Variants in RAD23B observed in about 807,000 individuals in gnomAD.
RAD23B encodes RAD23 nucleotide excision repair protein B, also known as lysine-specific demethylase RAD23B.
In RAD23B, 5 loss-of-function variants were observed where a neutral mutation model predicts 49.1. That is an observed-to-expected ratio of 0.10 (90% CI 0.05 to 0.21). The LOEUF is 0.21. Ranked by LOEUF, RAD23B falls within the 10% of genes least tolerant of loss-of-function variation. The pLI, the probability that RAD23B is intolerant of heterozygous loss-of-function variation, is 1.00. For missense variants in RAD23B, 356 were observed against 486.7 expected, an observed-to-expected ratio of 0.73 and a Z score of 2.53; for synonymous variants, 184 against 165.4, an observed-to-expected ratio of 1.11 and a Z score of -0.86.
At chr9:107,294,658 C>A (rs1386853419) in intron 1 of RAD23B, among the ~76,000 whole-genome samples, 1 of 152,172 alleles carries the variant, frequency 6.6e-6, no homozygotes, top group Admixed American at 6.5e-5. Context: ...GTAATTTAGA[C>A]ACAGTTCTTC....
intron 9 of RAD23B, among the ~76,000 whole-genome samples, chr9:107,329,089 CAT>C (rs1027080314): frequency 6.6e-6 from 1 of 152,070 alleles, no homozygotes; most frequent in African/African-American, 2.4e-5. Context: ...ATAAATAAAA[CAT>C]AATTTGCTTT....
At position 107,309,309 on chromosome 9, in the gene RAD23B, C is replaced by T. The variant is rs574059461; in HGVS notation, c.498-2373C>T. Among the ~76,000 whole-genome samples the T allele has an allele frequency of 3.1e-4, 47 of 152,234 alleles. No homozygotes were observed. In the South Asian group the frequency reaches 9.8e-3, roughly 32 times the overall value. ...ATTTGAGAAACCCTGATAGCTGATA[C>T]TACAAGACAGTTAAAGTATGTAATG... On this transcript the variant is annotated intron_variant, in intron 4 of 9. Coordinates refer to ENST00000358015, the MANE Select transcript of RAD23B (RefSeq NM_002874.5).
chr9:107,328,685 C>T (rs1827255049), intron 9 of RAD23B, among the ~76,000 whole-genome samples: 1 of 152,186 alleles, frequency 6.6e-6, no homozygotes, highest in Admixed American at 6.5e-5. Context: ...TCCTTGCTCA[C>T]CCACTGCTCA....
rs528550040 is a variant in RAD23B at position 107,311,644 on chromosome 9, A to G, written c.498-38A>G. 6.2e-6 allele frequency: 9 copies of G among 1,455,950 alleles called. No homozygotes were observed. The East Asian group carries it at 1.9e-4, about 31-fold the overall frequency. 90.2% of individuals were successfully genotyped at this position (1,455,950 alleles called of 1,614,324 possible). On this transcript the variant is annotated intron_variant, in intron 4 of 9. Transcript: ENST00000358015. ...AACTAATGTAAATTAAATTTTATAT[A>G]CTTTTTAAAATGTGATTTTTCTAAA...
Position 107,318,615 on chromosome 9 carries a change from T to A in RAD23B, c.554-137T>A. The A allele has an allele frequency of 3.2e-6, 3 of 937,116 alleles. No homozygotes were observed. The highest frequency in any genetic ancestry group is 4.6e-6 in the Non-Finnish European group (3 of 645,554). The allele number at this position is 937,116 out of a possible 1,614,324, so 58.1% of individuals were successfully genotyped here. On this transcript the variant is annotated intron_variant, in intron 5 of 9. Transcript: ENST00000358015. The surrounding 1 kb of genome is among the most constrained non-coding windows in gnomAD (Gnocchi z 4.3). ...GGACCATTACCTACTACATATATGT[T>A]GTAATTTATACTGTTACTCATCTTT... is the stretch of plus-strand genomic sequence containing the variant.
intron 9 of RAD23B, among the ~76,000 whole-genome samples, chr9:107,328,875 A>G (rs1827258279): frequency 1.3e-5 from 2 of 152,304 alleles, no homozygotes; most frequent in Admixed American, 6.5e-5. Flanking sequence ...TTTTAATATA[A>G]TAGACTAGGA....
chr9:107,291,282 C>A (rs1156364062), intron 1 of RAD23B, among the ~76,000 whole-genome samples: 1 of 152,156 alleles, frequency 6.6e-6, no homozygotes, highest in Non-Finnish European at 1.5e-5. Flanking sequence ...ATTCTGCTTA[C>A]TCAGTTTTCA....
chr9:107,315,184 T>C (rs1302296054), intron 5 of RAD23B, among the ~76,000 whole-genome samples: 1 of 152,200 alleles, frequency 6.6e-6, no homozygotes, highest in Non-Finnish European at 1.5e-5. Context: ...GTTTCGTTCT[T>C]CTAAATATGG....
intron 1 of RAD23B, among the ~76,000 whole-genome samples, chr9:107,288,301 C>T (rs1332014368): frequency 6.6e-6 from 1 of 151,960 alleles, no homozygotes; most frequent in African/African-American, 2.4e-5. Flanking sequence ...GATGTCAGGC[C>T]CTGCTGTGAT....
chr9:107,329,238 C>G (rs1440646381), intron 9 of RAD23B, among the ~76,000 whole-genome samples: 1 of 152,150 alleles, frequency 6.6e-6, no homozygotes, highest in African/African-American at 2.4e-5. Flanking sequence ...CAGTTAGCAG[C>G]TAATTTTTAA....
intron 1 of RAD23B, among the ~76,000 whole-genome samples, chr9:107,288,669 A>T (rs922782770): frequency 5.9e-5 from 9 of 152,144 alleles, no homozygotes; most frequent in African/African-American, 1.9e-4. Flanking sequence ...GGTGGTCTTG[A>T]ACTCCTGAGC....
At position 107,323,803 on chromosome 9, in the gene RAD23B, T is replaced by C. The variant is rs959380636; in HGVS notation, c.818-87T>C. The C allele has an allele frequency of 3.4e-6, 4 of 1,194,024 alleles. No individual in the cohort carries two copies. The African/African-American group carries it at 4.6e-5, about 14-fold the overall frequency. 74.0% of individuals were successfully genotyped at this position (1,194,024 alleles called of 1,614,324 possible). A position where few individuals can be genotyped will look rare whatever the true frequency, so the allele number is the denominator to read the frequency against. On this transcript the variant is annotated intron_variant, in intron 7 of 9. Transcript: ENST00000358015. ...AGAACTCAAATCATTTTTTCTTTGA[T>C]AGTGTTTGCTGTCTAAATGTATTAT... is the stretch of plus-strand genomic sequence containing the variant.
In RAD23B at chr9:107,306,636, A is replaced by G; in HGVS notation, c.486A>G (p.Thr162=). 2 of 1,613,636 alleles carry G rather than the reference A, an allele frequency of 1.2e-6. No individual in the cohort carries two copies. The highest frequency in any genetic ancestry group is 1.7e-6 in the Non-Finnish European group (2 of 1,179,626). Residue 162 remains threonine (T), a synonymous_variant, in exon 4 of 10, where the codon ACA becomes ACG. Transcript: ENST00000358015. The part of the protein sequence containing the change: ...PAETPVATSP[T]ATDSTSGDSS... ...AGACACCAGTGGCTACTAGCCCAAC[A>G]GCAACTGACAGGTAGGAACTGGATT...
At chr9:107,313,637 A>G (rs1190104354) in intron 5 of RAD23B, among the ~76,000 whole-genome samples, 4 of 152,336 alleles carry the variant, frequency 2.6e-5, no homozygotes, top group Admixed American at 6.5e-5. Context: ...TCCATATACT[A>G]TATAGATTCC....
intron 3 of RAD23B, among the ~76,000 whole-genome samples, chr9:107,305,635 A>G (rs1826747400): frequency 6.6e-6 from 1 of 152,112 alleles, no homozygotes; most frequent in African/African-American, 2.4e-5. Context: ...TGTGGAGGTA[A>G]CTTAATTTGG....
rs1250025569 is a variant in RAD23B at position 107,330,920 on chromosome 9, A to G, written c.*1264A>G. ...TGTTGGCTTTTATTTGGATTTTTTC[A>G]TCTCAGTTTTTTCTGTGGAATCTCC... On this transcript the variant is annotated 3_prime_UTR_variant, in exon 10 of 10. Transcript: ENST00000358015. The surrounding 1 kb of genome is among the most constrained non-coding windows in gnomAD (Gnocchi z 4.4). 1.3e-5 allele frequency: 2 copies of G among 152,632 alleles called. No individual in the cohort carries two copies. Among genetic ancestry groups the G allele is most frequent in the African/African-American group, 4.8e-5 (2 of 41,456 alleles). The allele number at this position is 152,632 out of a possible 1,614,324, so 9.5% of individuals were successfully genotyped here. A position where few individuals can be genotyped will look rare whatever the true frequency, so the allele number is the denominator to read the frequency against.
At chr9:107,292,962 C>T (rs149415512) in intron 1 of RAD23B, among the ~76,000 whole-genome samples, 1 of 152,264 alleles carries the variant, frequency 6.6e-6, no homozygotes, top group East Asian at 1.9e-4. Flanking sequence ...TTCTGTGAGT[C>T]AGAAATTCAG....
intron 1 of RAD23B, among the ~76,000 whole-genome samples, chr9:107,290,726 C>G (rs1478516959): frequency 2.0e-5 from 3 of 152,032 alleles, no homozygotes; most frequent in Non-Finnish European, 4.4e-5. Context: ...AGTTTTTAAA[C>G]AAATCCTGCT....
chr9:107,329,452 T>G, intron 9 of RAD23B, 91 bp from the exon 10 acceptor site: 1 of 779,086 alleles, frequency 1.3e-6, no homozygotes, highest in South Asian at 1.9e-5. Flanking sequence ...GATTTATCTT[T>G]AGTGCTATGC....
Sources: gnomAD v4.1 joint callset for allele counts (sites outside exome capture counted in the v4.1 genomes callset) on GRCh38, gnomAD v4.1.1 for gene constraint, Gnocchi (gnomAD v3.1) non-coding constraint, MANE v1.5 for transcripts, NCBI Gene and HGNC (gene_info 2026-07-23, HGNC 2026-07-21) for gene names.